Variants in RHCG observed in about 807,000 individuals in gnomAD.
RHCG encodes the protein Rh family C glycoprotein, also known as ammonium transporter Rh type C.
A neutral mutation model predicts 55.3 loss-of-function variants in RHCG; 39 were observed. That is an observed-to-expected ratio of 0.70 (90% CI 0.55 to 0.92). The LOEUF (loss-of-function observed/expected upper bound fraction) is 0.92, where lower values mean the gene tolerates loss of function less well. Ranked by LOEUF, RHCG falls within the 40% of genes least tolerant of loss-of-function variation. The pLI is 0.00. For synonymous variants in RHCG, 250 were observed against 246.8 expected (o/e 1.01, Z -0.12); for missense variants, 635 against 627.9 (o/e 1.01, Z -0.12).
Position 89,472,845 on chromosome 15 carries a change from T to G in RHCG, c.1330A>C (p.Thr444Pro), listed in dbSNP as rs991559825. 4.6e-6 allele frequency: 7 copies of G among 1,507,460 alleles called. No homozygotes were observed. Among genetic ancestry groups the G allele is most frequent in the Non-Finnish European group, 5.4e-6 (6 of 1,121,198 alleles). 93.4% of individuals were successfully genotyped at this position (1,507,460 alleles called of 1,614,324 possible). A position where few individuals can be genotyped will look rare whatever the true frequency, so the allele number is the denominator to read the frequency against. The stretch of plus-strand genomic sequence containing the variant: ...GTGGGGTCCTCAGGGATGTAGACAG[T>G]GCTGTTCCCTTCAGGCATCTACAGA... ...VYWEMPEGNS[T>P]VYIPEDPTFK... Residue 444 changes from threonine to proline, a missense_variant, in exon 10 of 11, where the codon ACT becomes CCT. Thr to Pro is a conservative substitution (Grantham distance 38, BLOSUM62 -1). Coordinates refer to ENST00000268122, the MANE Select transcript of RHCG (RefSeq NM_016321.3).
In RHCG at chr15:89,486,947, C is replaced by G; in HGVS notation, c.223G>C (p.Gly75Arg). 1 of 1,607,530 alleles carries G rather than the reference C, an allele frequency of 6.2e-7. No homozygotes were observed. Among genetic ancestry groups the G allele is most frequent in the Non-Finnish European group, 8.5e-7 (1 of 1,175,132 alleles). Residue 75 changes from glycine to arginine, a missense_variant, in exon 2 of 11, where the codon GGC becomes CGC. Coordinates refer to ENST00000268122, the MANE Select transcript of RHCG (RefSeq NM_016321.3). ...DVHVMVFVGF[G>R]FLMTFLQRYG... ...CGCTGCAGGAAAGTCATGAGGAAGC[C>G]GAAGCCCACGAAGACCATCACGTGC...
At chr15:89,472,961 C>T (rs761075380) in intron 9 of RHCG, 98 bp from the exon 10 acceptor site, 25 of 1,325,508 alleles carry the variant, frequency 1.9e-5, no homozygotes, top group African/African-American at 3.0e-5. Flanking sequence ...GTGTGGCGAG[C>T]GCCACCTTGT....
At chr15:89,474,299 G>C (rs934123310) in intron 9 of RHCG, among the ~76,000 whole-genome samples, 3 of 152,190 alleles carry the variant, frequency 2.0e-5, no homozygotes, top group African/African-American at 7.2e-5. Flanking sequence ...TTTTTAAAGA[G>C]TTAATTTAAG....
chr15:89,480,493 G>A (rs937285036), intron 3 of RHCG, 85 bp from the exon 4 acceptor site: 32 of 1,439,682 alleles, frequency 2.2e-5, no homozygotes, highest in East Asian at 6.9e-5. Context: ...ACACACACAC[G>A]CCCAGAGCTC....
chr15:89,493,508 C>T (rs1473006345), intron 1 of RHCG, among the ~76,000 whole-genome samples: 1 of 152,224 alleles, frequency 6.6e-6, no homozygotes, highest in East Asian at 1.9e-4. Context: ...GCCCAGCAGG[C>T]TTCACTCATC....
chr15:89,480,227 C>G (rs754853970), intron 4 of RHCG, 34 bp downstream of exon 4: 3 of 1,612,828 alleles, frequency 1.9e-6, no homozygotes, highest in Non-Finnish European at 1.7e-6. Context: ...CTTCACCCAT[C>G]ATGGTGGCCC....
rs764620728 is a variant in RHCG at position 89,472,761 on chromosome 15, C to A, written c.1414G>T (p.Ala472Ser). Residue 472 changes from alanine to serine, a missense_variant, in exon 10 of 11, where the codon GCT becomes TCT. Physicochemically the swap from Ala to Ser is moderately conservative, Grantham distance 99. Coordinates refer to ENST00000268122, the MANE Select transcript of RHCG (RefSeq NM_016321.3). ...SVPMVSPLPMASSVPLVP is the reference protein window; with the variant it reads ...SVPMVSPLPMSSSVPLVP ...TAGGGTACCAAGGGTACCGAGGAAGCCATGGGTAGTGGGGACACCATGGGT... is the reference window on the plus strand; with the variant it reads ...TAGGGTACCAAGGGTACCGAGGAAGACATGGGTAGTGGGGACACCATGGGT... 6.3e-7 allele frequency: 1 copy of A among 1,595,362 alleles called. No individual in the cohort carries two copies. The highest frequency in any genetic ancestry group is 1.1e-5 in the South Asian group (1 of 87,976).
At chr15:89,484,018 C>G (rs1319667550) in intron 2 of RHCG, among the ~76,000 whole-genome samples, 1 of 152,238 alleles carries the variant, frequency 6.6e-6, no homozygotes, top group African/African-American at 2.4e-5. Flanking sequence ...AGCAGCAAAG[C>G]TGCCCTCTGG....
At chr15:89,486,599 A>AGAGAGAGTGT in intron 2 of RHCG, 200 bp downstream of exon 2, 117 of 264,396 alleles carry the variant, frequency 4.4e-4, no homozygotes, top group Middle Eastern at 1.2e-3. Flanking sequence ...AGAGAGAGAG[A>AGAGAGAGTGT]GTGTGTGTGT....
At position 89,477,273 on chromosome 15, in the gene RHCG, C is replaced by G. The variant is rs1307870605; in HGVS notation, c.1113-67G>C. The G allele has an allele frequency of 1.9e-6, 3 of 1,594,956 alleles. No homozygotes were observed. Among genetic ancestry groups the G allele is most frequent in the Admixed American group, 3.4e-5 (2 of 58,534 alleles). On this transcript the variant is annotated intron_variant, in intron 7 of 10. Coordinates refer to ENST00000268122, the MANE Select transcript of RHCG (RefSeq NM_016321.3). This position sits in a 1 kb window ranked among gnomAD's most constrained non-coding sequence, Gnocchi z 4.5. ...GCCAAGTAACAGCTTGCTGCCACCC[C>G]AAAAATGTGACCGGGTACCACGGGC...
intron 9 of RHCG, 143 bp downstream of exon 9, chr15:89,476,612 C>T: frequency 4.5e-6 from 3 of 671,840 alleles, no homozygotes; most frequent in South Asian, 3.5e-5. Context: ...GACACAGCCT[C>T]CCCCGATGAA....
At chr15:89,487,006 G>C in intron 1 of RHCG, 21 bp from the exon 2 acceptor site, 1 of 1,532,306 alleles carries the variant, frequency 6.5e-7, no homozygotes, top group Non-Finnish European at 8.8e-7. Flanking sequence ...AGTGCAGCCC[G>C]GGACTCGGTG....
Position 89,472,835 on chromosome 15 carries a change from A to T in RHCG, c.1340T>A (p.Ile447Asn). Residue 447 changes from isoleucine (I) to asparagine (N), a missense_variant, in exon 10 of 11, where the codon ATC (isoleucine) becomes AAC (asparagine). Physicochemically the swap from Ile to Asn is moderately radical, Grantham distance 149. Transcript: ENST00000268122. ...EMPEGNSTVY[I>N]PEDPTFKPSG... The stretch of plus-strand genomic sequence containing the variant: ...GGGCTTGAAGGTGGGGTCCTCAGGG[A>T]TGTAGACAGTGCTGTTCCCTTCAGG... 2 of 1,540,488 alleles carry T rather than the reference A, an allele frequency of 1.3e-6. No individual in the cohort carries two copies. Among genetic ancestry groups the T allele is most frequent in the South Asian group, 1.2e-5 (1 of 82,868 alleles).
chr15:89,481,793 T>G (rs572669731), intron 3 of RHCG, among the ~76,000 whole-genome samples: 14 of 152,296 alleles, frequency 9.2e-5, no homozygotes, highest in East Asian at 5.8e-4. Flanking sequence ...TTATTTGTTT[T>G]TTTTTGTTTG....
intron 1 of RHCG, among the ~76,000 whole-genome samples, chr15:89,492,210 C>T (rs1398245964): frequency 1.3e-5 from 2 of 152,114 alleles, no homozygotes; most frequent in Admixed American, 1.3e-4. Context: ...GGCACCAGTA[C>T]CCAGCTGTTC....
chr15:89,486,599 A>AGAGAGAGAGTGT, intron 2 of RHCG, 200 bp downstream of exon 2: 48 of 264,428 alleles, frequency 1.8e-4, no homozygotes, highest in African/African-American at 2.7e-4. Flanking sequence ...AGAGAGAGAG[A>AGAGAGAGAGTGT]GTGTGTGTGT....
intron 2 of RHCG, among the ~76,000 whole-genome samples, chr15:89,485,570 G>T (rs548777547): frequency 6.6e-6 from 1 of 152,218 alleles, no homozygotes. Flanking sequence ...ATACCAGTTT[G>T]CCTCTAAGCC....
intron 1 of RHCG, among the ~76,000 whole-genome samples, chr15:89,494,609 GTC>G (rs143945828): frequency 1.5e-4 from 22 of 149,782 alleles, no homozygotes; most frequent in East Asian, 2.0e-4. Flanking sequence ...CTATTATAGG[GTC>G]TCTCTCTCTC....
rs1415704360 is a variant in RHCG, at chr15:89,480,417, CA to C, written c.523-10del. On this transcript the variant is annotated splice_polypyrimidine_tract_variant and intron_variant, in intron 3 of 10. Coordinates refer to ENST00000268122, the MANE Select transcript of RHCG (RefSeq NM_016321.3). ...CCTCCTGCATCCTTCACCTGGGGTG[CA>C]AGGGGCCTGTCAGACTCTGGCACCT... 6.2e-7 allele frequency: 1 copy of C among 1,610,582 alleles called. No homozygotes were observed. Among genetic ancestry groups the C allele is most frequent in the Middle Eastern group, 1.7e-4 (1 of 6,046 alleles).
Sources: gnomAD v4.1 joint callset for allele counts (sites outside exome capture counted in the v4.1 genomes callset) on GRCh38, gnomAD v4.1.1 for gene constraint, Gnocchi (gnomAD v3.1) non-coding constraint, MANE v1.5 for transcripts, NCBI Gene and HGNC (gene_info 2026-07-23, HGNC 2026-07-21) for gene names.